The following POC1A variants were observed in gnomAD, a reference collection of about 807,000 sequenced individuals.
The protein encoded by POC1A is POC1 centriolar protein homolog A.
Under a neutral mutation model 47.8 loss-of-function variants are expected in POC1A, and 34 were observed. That is an observed-to-expected ratio of 0.71 (90% CI 0.54 to 0.95). The LOEUF (loss-of-function observed/expected upper bound fraction) is 0.95. Ranked by LOEUF, POC1A falls within the 40% of genes least tolerant of loss-of-function variation. POC1A has a pLI of 0.00. For missense variants in POC1A, 466 were observed against 528.3 expected (o/e 0.88, Z 1.16); for synonymous variants, 177 against 207.6 (o/e 0.85, Z 1.27).
At chr3:52,080,873 C>T (rs1011973503) in intron 10 of POC1A, among the ~76,000 whole-genome samples, 4 of 152,194 alleles carry the variant, frequency 2.6e-5, no homozygotes, top group South Asian at 2.1e-4. Context: ...GACAGGAAGC[C>T]GGATTGAGGA....
intron 1 of POC1A, among the ~76,000 whole-genome samples, 181 bp downstream of exon 1, chr3:52,154,174 G>C (rs1162335221): frequency 6.6e-6 from 1 of 152,260 alleles, no homozygotes; most frequent in East Asian, 1.9e-4. Flanking sequence ...CTGGCACGCA[G>C]GAGGCGCTCA....
rs1358258609 is a variant in POC1A, at chr3:52,154,368, G to A, written c.5C>T (p.Ala2Val). Residue 2 changes from alanine to valine, a missense_variant, in exon 1 of 11, where the codon GCT (alanine) becomes GTT (valine). Physicochemically the swap from Ala to Val is moderately conservative, Grantham distance 64. Transcript: ENST00000296484. ...GGCTGGGCTTACCGCGCAGGGCGCAGCCATGGCGGGGCTGGCGGCGCCGAA... is the reference window on the plus strand; with the variant it reads ...GGCTGGGCTTACCGCGCAGGGCGCAACCATGGCGGGGCTGGCGGCGCCGAA... M[A>V]APCAEDPSLE... The A allele has an allele frequency of 6.6e-7, 1 of 1,518,466 alleles. No homozygotes were observed. Among genetic ancestry groups the A allele is most frequent in the Non-Finnish European group, 8.8e-7 (1 of 1,141,022 alleles). 94.1% of individuals were successfully genotyped at this position (1,518,466 alleles called of 1,614,324 possible). A position where few individuals can be genotyped will look rare whatever the true frequency, so the allele number is the denominator to read the frequency against.
At chr3:52,080,102 G>A (rs913029769) in intron 10 of POC1A, among the ~76,000 whole-genome samples, 8 of 152,176 alleles carry the variant, frequency 5.3e-5, no homozygotes, top group African/African-American at 1.9e-4. Context: ...AACCTTCAGC[G>A]TGGGAGCTTT....
intron 10 of POC1A, among the ~76,000 whole-genome samples, chr3:52,087,900 G>A (rs1486061793): frequency 1.3e-5 from 2 of 152,154 alleles, no homozygotes; most frequent in Non-Finnish European, 2.9e-5. Context: ...GTCTGACCGG[G>A]ATAGGCCCCA....
At chr3:52,092,606 GATGA>G (rs1702680099) in intron 10 of POC1A, among the ~76,000 whole-genome samples, 1 of 152,122 alleles carries the variant, frequency 6.6e-6, no homozygotes, top group Non-Finnish European at 1.5e-5. Context: ...AAACCAGGAG[GATGA>G]AAACTATGAT....
At chr3:52,123,815 C>T (rs1158625213) in intron 8 of POC1A, among the ~76,000 whole-genome samples, 20 of 152,206 alleles carry the variant, frequency 1.3e-4, no homozygotes. Context: ...ACCAGGCTGC[C>T]TCTCCTACTA....
chr3:52,122,259 G>C (rs1466796526), intron 9 of POC1A, 120 bp downstream of exon 9: 1 of 618,304 alleles, frequency 1.6e-6, no homozygotes, highest in Non-Finnish European at 2.9e-6. Flanking sequence ...ATCTTGCTAG[G>C]GTCCCTTTCC....
At chr3:52,154,163 C>T (rs893701637) in intron 1 of POC1A, among the ~76,000 whole-genome samples, 192 bp downstream of exon 1, 2 of 152,254 alleles carry the variant, frequency 1.3e-5, no homozygotes, top group African/African-American at 4.8e-5. Flanking sequence ...CAGCGCAGGG[C>T]CTGGCACGCA....
chr3:52,113,822 C>T (rs79124006), intron 9 of POC1A, among the ~76,000 whole-genome samples: 2,411 of 152,344 alleles, frequency 0.016, 48 homozygotes, highest in Non-Finnish European at 0.02. Flanking sequence ...AAACCCAGAG[C>T]ACTTTCCACG....
At chr3:52,087,149 AG>A (rs1349036420) in intron 10 of POC1A, among the ~76,000 whole-genome samples, 2 of 152,122 alleles carry the variant, frequency 1.3e-5, no homozygotes, top group Non-Finnish European at 2.9e-5. Flanking sequence ...CTTGGGAGGG[AG>A]GAAGCCTCAT....
At chr3:52,125,026 C>T in intron 8 of POC1A, 87 bp downstream of exon 8, 2 of 1,052,578 alleles carry the variant, frequency 1.9e-6, no homozygotes, top group Non-Finnish European at 2.9e-6. Context: ...GAAACCCAGC[C>T]CATCCCCCAA....
In POC1A at chr3:52,093,531, C is replaced by T. The variant is rs145162209; in HGVS notation, c.1125+3038G>A. 1.4e-4 allele frequency among the ~76,000 whole-genome samples: 22 copies of T among 152,302 alleles called. No individual in the cohort carries two copies. The East Asian group carries it at 4.1e-3, about 28-fold the overall frequency. ...CACCCAACACATCAGCAGTGCACGG[C>T]GTTGTCAGGTACTATTCAAGGAGCT... On this transcript the variant is annotated intron_variant, in intron 10 of 10. Coordinates refer to ENST00000296484, the MANE Select transcript of POC1A (RefSeq NM_015426.5).
At chr3:52,122,522 C>G (rs1364934135) in intron 8 of POC1A, 45 bp from the exon 9 acceptor site, 2 of 1,181,878 alleles carry the variant, frequency 1.7e-6, no homozygotes, top group Admixed American at 3.4e-5. Flanking sequence ...AGAAAATCCC[C>G]TTGCCAGTCC....
chr3:52,151,734 C>T (rs2107215070), intron 1 of POC1A, among the ~76,000 whole-genome samples: 1 of 151,974 alleles, frequency 6.6e-6, no homozygotes, highest in Admixed American at 6.5e-5. Context: ...ATTCCACATT[C>T]ATGAACAGGA....
chr3:52,150,059 G>C (rs1698508001), intron 2 of POC1A, 72 bp from the exon 3 acceptor site: 2 of 1,336,580 alleles, frequency 1.5e-6, no homozygotes, highest in Non-Finnish European at 2.1e-6. Flanking sequence ...CATTGGAGAG[G>C]CAGGGGGAGC....
intron 6 of POC1A, 115 bp from the exon 7 acceptor site, chr3:52,138,417 C>T: frequency 1.9e-6 from 2 of 1,066,416 alleles, no homozygotes; most frequent in Non-Finnish European, 2.7e-6. Flanking sequence ...GGGGCTGGGT[C>T]AGGATGGTCA....
chr3:52,153,848 G>A (rs1413573928), intron 1 of POC1A, among the ~76,000 whole-genome samples: 8 of 152,352 alleles, frequency 5.3e-5, no homozygotes, highest in Non-Finnish European at 1.2e-4. Flanking sequence ...TCAGCCAGAG[G>A]GCCTTGCCCG....
chr3:52,138,360 C>G, intron 6 of POC1A, 58 bp from the exon 7 acceptor site: 1 of 1,560,062 alleles, frequency 6.4e-7, no homozygotes, highest in South Asian at 1.2e-5. Flanking sequence ...ACAGCTGAAG[C>G]CCAAGACGGG....
chr3:52,131,818 CCT>C lies in POC1A; in HGVS notation c.813+6349_813+6350del, dbSNP rs527932497. On this transcript the variant is annotated intron_variant, in intron 7 of 10. Transcript: ENST00000296484. ...AGCAAAAGTAAAAGGCAGATGAACC[CCT>C]GAGAGATTCCGAAGGTGCACAGGAG... is the stretch of plus-strand genomic sequence containing the variant. Among the ~76,000 whole-genome samples, 221 of 152,188 alleles carry C rather than the reference CCT, an allele frequency of 1.5e-3. 2 individuals are homozygous for C. The highest frequency in any genetic ancestry group is 4.9e-3 in the African/African-American group (204 of 41,508).
Sources: gnomAD v4.1 joint callset for allele counts (sites outside exome capture counted in the v4.1 genomes callset) on GRCh38, gnomAD v4.1.1 for gene constraint, MANE v1.5 for transcripts, NCBI Gene and HGNC (gene_info 2026-07-23, HGNC 2026-07-21) for gene names.